NKAIN2: variants seen among roughly 807,000 people sequenced by gnomAD.
The protein encoded by NKAIN2 is sodium/potassium transporting ATPase interacting 2, also known as sodium/potassium-transporting ATPase subunit beta-1-interacting protein 2.
Under a neutral mutation model 32.6 loss-of-function variants are expected in NKAIN2, and 14 were observed. That is an observed-to-expected ratio of 0.43 (90% CI 0.28 to 0.67). The LOEUF is 0.67. Among genes scored for constraint, NKAIN2 ranks in the 30% least tolerant of loss-of-function variants. The pLI is 0.17. For missense variants in NKAIN2, 198 were observed against 258.3 expected (o/e 0.77, Z 1.60); for synonymous variants, 80 against 87.2 (o/e 0.92, Z 0.46).
chr6:123,923,797 G>A (rs190070774), intron 1 of NKAIN2, among the ~76,000 whole-genome samples: 3 of 116,282 alleles, frequency 2.6e-5, no homozygotes, highest in Non-Finnish European at 5.2e-5. Context: ...GTTGTGGGGT[G>A]GGGGGAGGGG....
At chr6:124,019,800 T>C (rs938124880) in intron 1 of NKAIN2, among the ~76,000 whole-genome samples, 1 of 152,124 alleles carries the variant, frequency 6.6e-6, no homozygotes, top group Admixed American at 6.5e-5. Context: ...AACAAATTCT[T>C]GACATGATCC....
chr6:124,753,289 T>C (rs1777811730), intron 4 of NKAIN2, among the ~76,000 whole-genome samples: 1 of 152,138 alleles, frequency 6.6e-6, no homozygotes, highest in Admixed American at 6.6e-5. Context: ...GAATGAAAGA[T>C]GCAGCTTTGC....
chr6:124,158,050 C>T (rs1195965258), intron 1 of NKAIN2, among the ~76,000 whole-genome samples: 4 of 152,126 alleles, frequency 2.6e-5, no homozygotes, highest in African/African-American at 9.7e-5. Context: ...ATTTTTTCTG[C>T]TTATATTAGT....
intron 1 of NKAIN2, among the ~76,000 whole-genome samples, chr6:123,987,834 T>A: frequency 6.6e-6 from 1 of 152,218 alleles, no homozygotes; most frequent in East Asian, 1.9e-4. Flanking sequence ...AATTCTGTTA[T>A]CTTTTAGAGC....
chr6:124,298,585 G>T (rs951706095), intron 2 of NKAIN2, among the ~76,000 whole-genome samples: 1 of 151,906 alleles, frequency 6.6e-6, no homozygotes, highest in African/African-American at 2.4e-5. Context: ...GTGGGTTATT[G>T]TCTACACTCA....
At chr6:124,128,626 C>T (rs748719568) in intron 1 of NKAIN2, among the ~76,000 whole-genome samples, 28 of 152,150 alleles carry the variant, frequency 1.8e-4, no homozygotes, top group Non-Finnish European at 3.1e-4. Flanking sequence ...AAGGAAATAG[C>T]AAGGTTGGGA....
At chr6:124,112,746 A>T (rs1785440850) in intron 1 of NKAIN2, among the ~76,000 whole-genome samples, 1 of 150,818 alleles carries the variant, frequency 6.6e-6, no homozygotes, top group Admixed American at 6.6e-5. Context: ...CTTTCTTTAA[A>T]TTTTTTTCTA....
At chr6:124,668,696 G>A (rs1011467854) in intron 4 of NKAIN2, among the ~76,000 whole-genome samples, 1 of 152,150 alleles carries the variant, frequency 6.6e-6, no homozygotes, top group South Asian at 2.1e-4. Flanking sequence ...ATACTGTGAG[G>A]TACGGAAAAC....
intron 4 of NKAIN2, among the ~76,000 whole-genome samples, chr6:124,756,663 A>G (rs1777982856): frequency 6.6e-6 from 1 of 151,508 alleles, no homozygotes; most frequent in South Asian, 2.1e-4. Flanking sequence ...TAAAAAAAAT[A>G]GAAAGAAGGC....
intron 3 of NKAIN2, among the ~76,000 whole-genome samples, chr6:124,536,349 C>T (rs1025900187): frequency 2.0e-5 from 3 of 152,108 alleles, no homozygotes; most frequent in Admixed American, 2.0e-4. Flanking sequence ...AAATAATCGC[C>T]TCCTATGTCC....
At chr6:124,284,887 T>C (rs1201990658) in intron 2 of NKAIN2, among the ~76,000 whole-genome samples, 1 of 150,372 alleles carries the variant, frequency 6.7e-6, no homozygotes, top group Non-Finnish European at 1.5e-5. Context: ...CTGTCCCTTT[T>C]ATCCTAAGAT....
At chr6:124,228,121 C>T (rs1792218800) in intron 1 of NKAIN2, among the ~76,000 whole-genome samples, 1 of 152,166 alleles carries the variant, frequency 6.6e-6, no homozygotes, top group African/African-American at 2.4e-5. Context: ...CCCTTATGAT[C>T]TAATTACTGC....
chr6:124,124,494 T>C (rs922956953), intron 1 of NKAIN2, among the ~76,000 whole-genome samples: 1 of 152,158 alleles, frequency 6.6e-6, no homozygotes, highest in Admixed American at 6.5e-5. Flanking sequence ...ACTTCTTTTT[T>C]CCTTTTACAA....
chr6:124,085,486 T>C (rs1784154634), intron 1 of NKAIN2, among the ~76,000 whole-genome samples: 1 of 151,710 alleles, frequency 6.6e-6, no homozygotes, highest in Admixed American at 6.6e-5. Flanking sequence ...TTGTCAAAGT[T>C]AGACTTCGGC....
At position 124,170,590 on chromosome 6, in the gene NKAIN2, A is replaced by AT. The variant is rs563634213; in HGVS notation, c.55-112409dup. On this transcript the variant is annotated intron_variant, in intron 1 of 6. Transcript: ENST00000368417. Reference sequence around the variant, plus strand: ...TCATTTCTTCCCCATATAGTAACTGATTTTTTCTTAAATAAAGAGATAGTG... The same window carrying AT: ...TCATTTCTTCCCCATATAGTAACTGATTTTTTTCTTAAATAAAGAGATAGTG... Among the ~76,000 whole-genome samples the AT allele has an allele frequency of 2.9e-3, 441 of 152,190 alleles. 1 individual carries two copies. The highest frequency in any genetic ancestry group is 6.8e-3 in the Middle Eastern group (2 of 294).
At chr6:124,758,153 C>G (rs896427560) in intron 4 of NKAIN2, among the ~76,000 whole-genome samples, 1 of 152,074 alleles carries the variant, frequency 6.6e-6, no homozygotes, top group Non-Finnish European at 1.5e-5. Context: ...GTTCTAACAA[C>G]CTGAAATGCT....
At chr6:124,144,858 A>G (rs1047755630) in intron 1 of NKAIN2, among the ~76,000 whole-genome samples, 3 of 152,182 alleles carry the variant, frequency 2.0e-5, no homozygotes, top group African/African-American at 7.2e-5. Flanking sequence ...CTAGGAGGAA[A>G]TATCTGTAGA....
intron 3 of NKAIN2, among the ~76,000 whole-genome samples, chr6:124,466,694 C>A (rs140740061): frequency 2.2e-3 from 332 of 150,712 alleles, no homozygotes; most frequent in African/African-American, 7.7e-3. Flanking sequence ...TGTAACATTT[C>A]TCCAAGTTAC....
At chr6:124,102,783 C>A (rs1179489280) in intron 1 of NKAIN2, among the ~76,000 whole-genome samples, 1 of 152,100 alleles carries the variant, frequency 6.6e-6, no homozygotes, top group African/African-American at 2.4e-5. Context: ...AGTGTTTAAA[C>A]AATCCTTGCT....
Sources: allele counts gnomAD v4.1 joint callset (sites outside exome capture counted in the v4.1 genomes callset), GRCh38; gene constraint gnomAD v4.1.1; transcripts MANE v1.5; gene names NCBI Gene and HGNC (gene_info 2026-07-23, HGNC 2026-07-21).